The following CEP63 variants were observed in gnomAD, a reference collection of about 807,000 sequenced individuals.
CEP63 encodes centrosomal protein 63.
CEP63 carries 84 observed loss-of-function variants against 89.1 expected under a neutral mutation model. The ratio of observed to expected loss-of-function variants is 0.94; its 90% CI spans 0.79 to 1.13. CEP63 has a LOEUF of 1.13. CEP63 is among the 50% of genes most tolerant of loss of function. The pLI, the probability that CEP63 is intolerant of heterozygous loss-of-function variation, is 0.00. For missense variants in CEP63, 838 were observed against 813.3 expected (o/e 1.03, Z -0.37); for synonymous variants, 267 against 272.5 (o/e 0.98, Z 0.20).
chr3:134,683,778 T>C, the CEP63 span, among the ~76,000 whole-genome samples: 1 of 152,034 alleles, frequency 6.6e-6, no homozygotes, highest in African/African-American at 2.4e-5. Context: ...TGCTCTGAGA[T>C]GGTTCCCATC....
chr3:134,684,305 T>A, the CEP63 span, among the ~76,000 whole-genome samples: 1 of 152,220 alleles, frequency 6.6e-6, no homozygotes, highest in Non-Finnish European at 1.5e-5. Flanking sequence ...TCTTTTCCGC[T>A]GAGATCATGC....
chr3:134,761,426 C>T, the CEP63 span, among the ~76,000 whole-genome samples: 6 of 152,332 alleles, frequency 3.9e-5, no homozygotes, highest in South Asian at 2.1e-4. Context: ...CCCCGGACAC[C>T]GCCTTGGCAT....
chr3:134,666,722 CG>C, the CEP63 span, among the ~76,000 whole-genome samples: 1 of 152,154 alleles, frequency 6.6e-6, no homozygotes, highest in Non-Finnish European at 1.5e-5. Context: ...TCTCTGTGGC[CG>C]GGCCAAGGCA....
At chr3:134,753,849 G>A in the CEP63 span, among the ~76,000 whole-genome samples, 8 of 152,096 alleles carry the variant, frequency 5.3e-5, no homozygotes, top group East Asian at 3.9e-4. Flanking sequence ...ACTCCTGACC[G>A]TTTTGCAATA....
the CEP63 span, among the ~76,000 whole-genome samples, chr3:134,757,714 G>T: frequency 6.6e-6 from 1 of 152,184 alleles, no homozygotes; most frequent in South Asian, 2.1e-4. Context: ...GGGCCCTTGG[G>T]GGGTGGTGCA....
intron 3 of CEP63, among the ~76,000 whole-genome samples, chr3:134,509,376 T>C (rs2108478359): frequency 6.6e-6 from 1 of 152,280 alleles, no homozygotes; most frequent in East Asian, 1.9e-4. Flanking sequence ...GCCCCCATGA[T>C]CCAGTCACTT....
chr3:134,690,831 C>T, the CEP63 span, among the ~76,000 whole-genome samples: 1 of 149,838 alleles, frequency 6.7e-6, no homozygotes, highest in Admixed American at 6.7e-5. Flanking sequence ...TCACTGCAAC[C>T]TCCACCTCCT....
At chr3:134,550,722 TA>T (rs1271951295) in intron 11 of CEP63, among the ~76,000 whole-genome samples, 2 of 152,202 alleles carry the variant, frequency 1.3e-5, no homozygotes, top group Admixed American at 6.5e-5. Context: ...GCTGAAGGGC[TA>T]CGTTAGCCAC....
chr3:134,633,755 G>A, the CEP63 span, among the ~76,000 whole-genome samples: 1 of 152,058 alleles, frequency 6.6e-6, no homozygotes, highest in Non-Finnish European at 1.5e-5. Context: ...CCCACCCTGT[G>A]TAATAAGACA....
the CEP63 span, among the ~76,000 whole-genome samples, chr3:134,660,138 A>G: frequency 6.6e-6 from 1 of 152,258 alleles, no homozygotes; most frequent in Non-Finnish European, 1.5e-5. Flanking sequence ...TATTGAGGTC[A>G]GGGTGATTAT....
chr3:134,670,877 C>T, the CEP63 span, among the ~76,000 whole-genome samples: 2 of 152,128 alleles, frequency 1.3e-5, no homozygotes, highest in East Asian at 1.9e-4. Context: ...TGTGGATGAA[C>T]ATCTACAACA....
intron 1 of CEP63, among the ~76,000 whole-genome samples, chr3:134,489,377 G>A (rs6790354): frequency 1.3e-5 from 2 of 152,042 alleles, no homozygotes; most frequent in African/African-American, 4.8e-5. Flanking sequence ...GGATAGTTGG[G>A]GGGGTTGGAC....
chr3:134,733,534 G>A, the CEP63 span, among the ~76,000 whole-genome samples: 1 of 152,218 alleles, frequency 6.6e-6, no homozygotes, highest in Admixed American at 6.5e-5. Context: ...ATTAAGATGA[G>A]GTTATACTGG....
chr3:134,695,794 G>T, the CEP63 span, among the ~76,000 whole-genome samples: 1 of 152,204 alleles, frequency 6.6e-6, no homozygotes, highest in Non-Finnish European at 1.5e-5. Context: ...TCTCCTTCCT[G>T]GTCTGCCTGT....
the CEP63 span, among the ~76,000 whole-genome samples, chr3:134,710,988 G>A: frequency 3.9e-5 from 6 of 152,052 alleles, no homozygotes; most frequent in African/African-American, 1.4e-4. Flanking sequence ...TCAAAGTGCT[G>A]GGATTACAGG....
At chr3:134,772,764 G>A in the CEP63 span, among the ~76,000 whole-genome samples, 3 of 152,158 alleles carry the variant, frequency 2.0e-5, no homozygotes, top group Non-Finnish European at 4.4e-5. Context: ...AAGCCTGCAA[G>A]CTTTTCCTTA....
chr3:134,635,854 C>A, the CEP63 span, among the ~76,000 whole-genome samples: 1 of 152,202 alleles, frequency 6.6e-6, no homozygotes, highest in Admixed American at 6.5e-5. Context: ...TCCTTTAAGA[C>A]TTCATTTCCA....
the CEP63 span, among the ~76,000 whole-genome samples, chr3:134,726,133 C>T: frequency 1.3e-5 from 2 of 152,120 alleles, no homozygotes; most frequent in African/African-American, 2.4e-5. Flanking sequence ...AAGATTATTT[C>T]GGGAGTGCAT....
At chr3:134,583,118 A>G (rs1958401409) in intron 10 of CEP63, among the ~76,000 whole-genome samples, 1 of 152,030 alleles carries the variant, frequency 6.6e-6, no homozygotes, top group South Asian at 2.1e-4. Context: ...TTTTTCTCCC[A>G]TTCTATAGGT....
Sources: allele counts gnomAD v4.1 joint callset (sites outside exome capture counted in the v4.1 genomes callset), GRCh38; gene constraint gnomAD v4.1.1; transcripts MANE v1.5; gene names NCBI Gene and HGNC (gene_info 2026-07-23, HGNC 2026-07-21).